The following MMS19 variants were observed in gnomAD, a reference collection of about 807,000 sequenced individuals.
MMS19 encodes MMS19 cytosolic iron-sulfur assembly component, also known as MMS19 nucleotide excision repair protein homolog.
A neutral mutation model predicts 129.8 loss-of-function variants in MMS19; 77 were observed. The observed-to-expected ratio is 0.59, with a 90% CI of 0.49 to 0.72. The LOEUF (loss-of-function observed/expected upper bound fraction) is 0.72, where lower values mean the gene tolerates loss of function less well. Ranked by LOEUF, MMS19 falls within the 30% of genes least tolerant of loss-of-function variation. The pLI is 0.00. For synonymous variants in MMS19, 491 were observed against 502.8 expected (o/e 0.98, Z 0.31); for missense variants, 1,168 against 1,266.3 (o/e 0.92, Z 1.18).
chr10:97,485,748 G>A (rs1022103335), intron 1 of MMS19, among the ~76,000 whole-genome samples: 13 of 152,306 alleles, frequency 8.5e-5, no homozygotes, highest in South Asian at 4.1e-4. Flanking sequence ...GCACCTAGAC[G>A]ATGAAAATTT....
intron 1 of MMS19, among the ~76,000 whole-genome samples, chr10:97,495,181 CTACGAA>C (rs1476008883): frequency 7.2e-5 from 11 of 152,156 alleles, no homozygotes; most frequent in African/African-American, 2.2e-4. Context: ...ACTCAGGGAA[CTACGAA>C]TAAAGGTGGC....
chr10:97,477,917 C>CCA lies in MMS19; in HGVS notation c.359_360dup (p.Ala121TrpfsTer47). 1 of 1,604,636 alleles carries CCA rather than the reference C, an allele frequency of 6.2e-7. No homozygotes were observed. The highest frequency in any genetic ancestry group is 8.5e-7 in the Non-Finnish European group (1 of 1,176,382). On this transcript the variant is annotated frameshift_variant, in exon 5 of 31. Transcript: ENST00000438925. LOFTEE classifies it high-confidence loss of function. ...GAAACAGCCAGCCCTGGGGGCAGGG[C>CCA]CACACACAGGCTCTGGGGGAGAGGA...
At chr10:97,484,184 T>TAA in intron 1 of MMS19, 33 bp from the exon 2 acceptor site, 34 of 1,264,884 alleles carry the variant, frequency 2.7e-5, no homozygotes, top group South Asian at 6.2e-5. Context: ...ATATGAAAAA[T>TAA]AAAAAAAAAA....
chr10:97,478,186 G>T, intron 4 of MMS19, 118 bp downstream of exon 4: 1 of 793,094 alleles, frequency 1.3e-6, no homozygotes, highest in Non-Finnish European at 2.1e-6. Context: ...CACTAATTTA[G>T]TCCCACACTT....
chr10:97,492,443 C>T (rs1206112446), intron 1 of MMS19, among the ~76,000 whole-genome samples: 1 of 151,306 alleles, frequency 6.6e-6, no homozygotes, highest in Non-Finnish European at 1.5e-5. Context: ...CCACTGCACT[C>T]CCACCTGGGC....
At chr10:97,483,699 T>C (rs2037301326) in intron 2 of MMS19, among the ~76,000 whole-genome samples, 1 of 152,198 alleles carries the variant, frequency 6.6e-6, no homozygotes, top group Non-Finnish European at 1.5e-5. Context: ...AGGGTCAGCC[T>C]CCTGGGAACT....
intron 13 of MMS19, 130 bp downstream of exon 13, chr10:97,468,122 C>G: frequency 2.7e-5 from 20 of 744,542 alleles, no homozygotes; most frequent in Non-Finnish European, 3.9e-5. Flanking sequence ...AGGGAAGCAG[C>G]AGCAGCAGCT....
At chr10:97,482,000 C>T (rs780492503) in intron 2 of MMS19, among the ~76,000 whole-genome samples, 11 of 152,078 alleles carry the variant, frequency 7.2e-5, no homozygotes, top group Non-Finnish European at 1.6e-4. Context: ...CATAGTGGGA[C>T]CCTGTCTCTA....
intron 25 of MMS19, 146 bp from the exon 26 acceptor site, chr10:97,460,378 C>G (rs960298677): frequency 1.9e-5 from 14 of 725,158 alleles, no homozygotes; most frequent in Middle Eastern, 3.6e-4. Flanking sequence ...GTCTAGGAGT[C>G]TGGGCAACAT....
chr10:97,487,756 A>G (rs2038171355), intron 1 of MMS19, among the ~76,000 whole-genome samples: 1 of 152,270 alleles, frequency 6.6e-6, no homozygotes, highest in South Asian at 2.1e-4. Flanking sequence ...TCTTATAACA[A>G]AAGGCCAGTT....
At position 97,478,078 on chromosome 10, in the gene MMS19, T is replaced by C. The variant is rs1336473352; in HGVS notation, c.349-149A>G. The C allele has an allele frequency of 4.5e-6, 3 of 665,342 alleles. No homozygotes were observed. The Admixed American group carries it at 8.9e-5, about 20-fold the overall frequency. 41.2% of individuals were successfully genotyped at this position (665,342 alleles called of 1,614,324 possible). On this transcript the variant is annotated intron_variant, in intron 4 of 30. Transcript: ENST00000438925. ...CTAATAGTGAGACTCTTTCTCAAGC[T>C]GATGAGTTCTCTGCAGCTCTTTCCA...
At chr10:97,471,874 G>A (rs1305753274) in intron 8 of MMS19, among the ~76,000 whole-genome samples, 1 of 152,040 alleles carries the variant, frequency 6.6e-6, no homozygotes, top group African/African-American at 2.4e-5. Context: ...CTCTTATAAA[G>A]TAACAAAAAG....
chr10:97,495,818 G>A (rs1372398690), intron 1 of MMS19, among the ~76,000 whole-genome samples: 3 of 152,202 alleles, frequency 2.0e-5, no homozygotes, highest in African/African-American at 7.2e-5. Flanking sequence ...GTCTCGCTCT[G>A]TTGCCCAGGC....
At chr10:97,461,383 A>C (rs917455185) in intron 23 of MMS19, 113 bp downstream of exon 23, 2 of 1,292,734 alleles carry the variant, frequency 1.5e-6, no homozygotes, top group Non-Finnish European at 2.1e-6. Flanking sequence ...GAGCAGTTGA[A>C]GCCCTGTTAA....
In MMS19 at chr10:97,460,695, C is replaced by T; in HGVS notation, c.2469G>A (p.Arg823=). ...TCTTCTGTCTCCAGAAAGGACGTAC[C>T]CGGGCTGTAAGGCAGGAGCTGAGAG... ...YHPLSSCLTA[R]LMGLLSDPEL... is the part of the protein sequence containing the mutation. The change falls in exon 25 of 31, where the codon CGG becomes CGA. Residue 823 remains arginine, a splice_region_variant and synonymous_variant. Coordinates refer to ENST00000438925, the MANE Select transcript of MMS19 (RefSeq NM_022362.5). The T allele has an allele frequency of 6.3e-7, 1 of 1,591,342 alleles. No homozygotes were observed.
chr10:97,480,144 T>A (rs1196523421), intron 3 of MMS19: 2 of 371,462 alleles, frequency 5.4e-6, no homozygotes, highest in African/African-American at 2.1e-5. Flanking sequence ...GAGGGCCAGC[T>A]TTTTTGCCGG....
intron 1 of MMS19, among the ~76,000 whole-genome samples, chr10:97,485,816 A>G (rs1378991554): frequency 6.6e-6 from 1 of 152,266 alleles, no homozygotes; most frequent in Non-Finnish European, 1.5e-5. Context: ...TCAAAAAGAC[A>G]AGAGATAACA....
At chr10:97,488,779 G>A in intron 1 of MMS19, among the ~76,000 whole-genome samples, 1 of 152,158 alleles carries the variant, frequency 6.6e-6, no homozygotes, top group Middle Eastern at 3.2e-3. Context: ...GATATGGAGG[G>A]CTAACTGTAC....
chr10:97,488,227 T>C (rs576154611), intron 1 of MMS19, among the ~76,000 whole-genome samples: 1 of 152,290 alleles, frequency 6.6e-6, no homozygotes, highest in South Asian at 2.1e-4. Context: ...TAAATTAAAC[T>C]ACACAGAAAC....
Sources: allele counts gnomAD v4.1 joint callset (sites outside exome capture counted in the v4.1 genomes callset), GRCh38; gene constraint gnomAD v4.1.1; transcripts MANE v1.5; gene names NCBI Gene and HGNC (gene_info 2026-07-23, HGNC 2026-07-21).